HCLS1: variants seen among roughly 807,000 people sequenced by gnomAD.
HCLS1 encodes the protein hematopoietic cell-specific Lyn substrate 1, also known as hematopoietic lineage cell-specific protein.
In HCLS1, 44 loss-of-function variants were observed where a neutral mutation model predicts 68.6. The ratio of observed to expected loss-of-function variants is 0.64; its 90% CI spans 0.50 to 0.82. HCLS1 has a LOEUF of 0.82. HCLS1 is among the 40% of genes least tolerant of loss of function. The pLI is 0.00. For missense variants in HCLS1, 602 were observed against 612.1 expected, an observed-to-expected ratio of 0.98 and a Z score of 0.17; for synonymous variants, 217 against 225.8, an observed-to-expected ratio of 0.96 and a Z score of 0.35.
At position 121,646,480 on chromosome 3, in the gene HCLS1, TAG is replaced by T. The variant is rs1402345853; in HGVS notation, c.288+837_288+838del. On this transcript the variant is annotated intron_variant, in intron 4 of 13. Transcript: ENST00000314583. ...TATATATGATATATAATATATAATA[TAG>T]ATATATTATATATTATATATACTTA... Among the ~76,000 whole-genome samples, 5 of 105,036 alleles carry T rather than the reference TAG, an allele frequency of 4.8e-5. No homozygotes were observed. The East Asian group carries it at 1.4e-3, about 30-fold the overall frequency. The allele number at this position is 105,036 out of a possible 152,430, so 68.9% of individuals were successfully genotyped here.
At chr3:121,633,198 T>G in intron 10 of HCLS1, 27 bp from the exon 11 acceptor site, 1 of 1,418,032 alleles carries the variant, frequency 7.1e-7, no homozygotes, top group Non-Finnish European at 9.7e-7. Context: ...ATCTCTCAAG[T>G]AAGCAAGCCT....
chr3:121,648,295 C>T (rs1040534858), intron 3 of HCLS1, among the ~76,000 whole-genome samples: 5 of 152,072 alleles, frequency 3.3e-5, no homozygotes, highest in African/African-American at 1.2e-4. Context: ...AGAGAAAGTA[C>T]CACCAAAAAA....
chr3:121,653,867 G>C (rs779565202), intron 3 of HCLS1: 10 of 152,256 alleles, frequency 6.6e-5, no homozygotes, highest in Non-Finnish European at 1.3e-4. Context: ...GTGCCACTCA[G>C]TGTGTGGTCC....
chr3:121,655,365 C>A (rs944923149), intron 3 of HCLS1: 2 of 151,574 alleles, frequency 1.3e-5, no homozygotes, highest in African/African-American at 4.9e-5. Context: ...CTAAGTACTG[C>A]ATTAGACATT....
intron 7 of HCLS1, 117 bp downstream of exon 7, chr3:121,637,028 AC>A (rs1234013216): frequency 1.7e-5 from 12 of 704,306 alleles, no homozygotes; most frequent in South Asian, 8.3e-5. Flanking sequence ...CTGCCCTGGC[AC>A]CCCCTGCTCT....
intron 6 of HCLS1, among the ~76,000 whole-genome samples, chr3:121,639,690 G>A (rs973185643): frequency 1.3e-5 from 2 of 152,006 alleles, no homozygotes; most frequent in Non-Finnish European, 2.9e-5. Flanking sequence ...CTGGGACCAC[G>A]GGTTTGTGAT....
In HCLS1 at chr3:121,657,257, C is replaced by T. The variant is rs771138789; in HGVS notation, c.158+22G>A. ...CTCTTCCCATAACCCCCTTCCTTTT[C>T]TCCAGTCCTTTCGGCACCTACTTGA... On this transcript the variant is annotated intron_variant, in intron 3 of 13. Transcript: ENST00000314583. 13 of 1,607,798 alleles carry T rather than the reference C, an allele frequency of 8.1e-6. No individual in the cohort carries two copies. The South Asian group carries it at 1.4e-4, about 18-fold the overall frequency.
At chr3:121,659,345 ACT>A (rs1937941751) in intron 1 of HCLS1, among the ~76,000 whole-genome samples, 1 of 152,158 alleles carries the variant, frequency 6.6e-6, no homozygotes, top group African/African-American at 2.4e-5. Flanking sequence ...TGTGGTCACC[ACT>A]GAGACTTCTT....
At chr3:121,635,276 C>T (rs974379130) in intron 9 of HCLS1, among the ~76,000 whole-genome samples, 1 of 103,158 alleles carries the variant, frequency 9.7e-6, no homozygotes, top group Non-Finnish European at 1.9e-5. Flanking sequence ...TCTCTCTCTC[C>T]TCTCTCTCCT....
intron 10 of HCLS1, 67 bp downstream of exon 10, chr3:121,634,140 T>G: frequency 1.2e-6 from 2 of 1,601,942 alleles, no homozygotes; most frequent in South Asian, 2.2e-5. Context: ...GCCAATGGTT[T>G]GGACCCCTTA....
In HCLS1 at chr3:121,647,418, C is replaced by G. The variant is rs538865727; in HGVS notation, c.189G>C (p.Glu63Asp). 2.7e-4 allele frequency: 438 copies of G among 1,614,088 alleles called. 4 individuals carry two copies. In the South Asian group the frequency reaches 4.5e-3, roughly 17 times the overall value. Residue 63 changes from glutamate (E) to aspartate (D), a missense_variant, in exon 4 of 14, where the codon GAG becomes GAC. Transcript: ENST00000314583. ...CTTTCTTCCTGAGAACATCATGCTC[C>G]TCTGATACTTTGTTCCTCAGCTGGT... ...NIHQLRNKVS[E>D]EHDVLRKKEM...
chr3:121,633,566 G>C (rs1181694379), intron 10 of HCLS1, among the ~76,000 whole-genome samples: 2 of 150,488 alleles, frequency 1.3e-5, no homozygotes, highest in Non-Finnish European at 3.0e-5. Flanking sequence ...TTTGAGACAG[G>C]GTCTCACTCT....
At chr3:121,640,517 T>A (rs1481640639) in intron 6 of HCLS1, among the ~76,000 whole-genome samples, 2 of 151,924 alleles carry the variant, frequency 1.3e-5, no homozygotes, top group Non-Finnish European at 2.9e-5. Context: ...AACTGCAAAG[T>A]ACATGTTTAA....
chr3:121,652,119 G>T (rs1258201141), intron 3 of HCLS1, among the ~76,000 whole-genome samples: 2 of 152,132 alleles, frequency 1.3e-5, no homozygotes, highest in Non-Finnish European at 2.9e-5. Context: ...ACATTATGCT[G>T]AAAGAAGACA....
chr3:121,632,852 A>G (rs1264875828), intron 11 of HCLS1, among the ~76,000 whole-genome samples: 2 of 152,174 alleles, frequency 1.3e-5, no homozygotes, highest in Non-Finnish European at 2.9e-5. Context: ...CCAAGAAAAC[A>G]TTGAAGCAAG....
chr3:121,637,342 G>A, intron 6 of HCLS1, 86 bp from the exon 7 acceptor site: 2 of 860,358 alleles, frequency 2.3e-6, no homozygotes, highest in Middle Eastern at 2.2e-4. Flanking sequence ...AGCAGGAATG[G>A]GTACAGAGTG....
chr3:121,636,563 G>T, intron 7 of HCLS1, 74 bp from the exon 8 acceptor site: 1 of 1,102,346 alleles, frequency 9.1e-7, no homozygotes, highest in South Asian at 1.3e-5. Context: ...TCAGTGGGAA[G>T]AAAAACAGGA....
At chr3:121,646,734 T>A (rs1330732961) in intron 4 of HCLS1, among the ~76,000 whole-genome samples, 2 of 130,798 alleles carry the variant, frequency 1.5e-5, no homozygotes, top group Non-Finnish European at 3.1e-5. Flanking sequence ...ATAAAATATA[T>A]AAGTATATAT....
chr3:121,648,213 T>A (rs1937653001), intron 3 of HCLS1, among the ~76,000 whole-genome samples: 1 of 152,048 alleles, frequency 6.6e-6, no homozygotes, highest in Admixed American at 6.6e-5. Flanking sequence ...ACTAAGAAAA[T>A]CCACTCACAG....
Sources: gnomAD v4.1 joint callset for allele counts (sites outside exome capture counted in the v4.1 genomes callset) on GRCh38, gnomAD v4.1.1 for gene constraint, MANE v1.5 for transcripts, NCBI Gene and HGNC (gene_info 2026-07-23, HGNC 2026-07-21) for gene names.